The following ME3 variants were observed in gnomAD, a reference collection of about 807,000 sequenced individuals.
ME3 encodes the protein NADP-dependent malic enzyme, mitochondrial.
ME3 carries 48 observed loss-of-function variants against 68.9 expected under a neutral mutation model. That is an observed-to-expected ratio of 0.70 (90% CI 0.55 to 0.89). The LOEUF is 0.89. Ranked by LOEUF, ME3 falls within the 40% of genes least tolerant of loss-of-function variation. The pLI, the probability that ME3 is intolerant of heterozygous loss-of-function variation, is 0.00. For synonymous variants in ME3, 320 were observed against 318.8 expected (o/e 1.00, Z -0.04); for missense variants, 675 against 797.4 (o/e 0.85, Z 1.85).
chr11:86,493,070 G>A lies in ME3; in HGVS notation c.705+4893C>T, dbSNP rs569871416. The stretch of plus-strand genomic sequence containing the variant: ...GCAAGGGCATCCTCATGGGTTACAC[G>A]TGTGTAGAGAGTGAGCTCTATGATG... On this transcript the variant is annotated intron_variant, in intron 6 of 14. Coordinates refer to ENST00000543262, the Ensembl canonical transcript of ME3. 6.6e-5 allele frequency among the ~76,000 whole-genome samples: 10 copies of A among 152,292 alleles called. No homozygotes were observed. In the East Asian group the frequency reaches 1.2e-3, roughly 18 times the overall value.
intron 4 of ME3, among the ~76,000 whole-genome samples, chr11:86,526,268 T>C (rs1004704022): frequency 6.6e-6 from 1 of 152,184 alleles, no homozygotes; most frequent in Non-Finnish European, 1.5e-5. Context: ...GCCTTGCTCA[T>C]TGCTAGTACA....
At chr11:86,617,468 A>C (rs78177903) in intron 2 of ME3, among the ~76,000 whole-genome samples, 2 of 152,052 alleles carry the variant, frequency 1.3e-5, no homozygotes, top group Admixed American at 6.5e-5. Flanking sequence ...GGTCATTGCT[A>C]TTGTTTTCTA....
At chr11:86,520,990 A>G (rs768309864) in intron 4 of ME3, among the ~76,000 whole-genome samples, 6 of 152,168 alleles carry the variant, frequency 3.9e-5, no homozygotes, top group Admixed American at 1.3e-4. Context: ...GTTATCTGTG[A>G]CTCGGAGCTA....
At chr11:86,622,151 G>C (rs1943387065) in intron 2 of ME3, among the ~76,000 whole-genome samples, 1 of 152,024 alleles carries the variant, frequency 6.6e-6, no homozygotes, top group South Asian at 2.1e-4. Flanking sequence ...ATGCGTTCCA[G>C]ATACCTTTCA....
intron 4 of ME3, among the ~76,000 whole-genome samples, chr11:86,512,295 T>C (rs891653174): frequency 1.3e-5 from 2 of 152,374 alleles, no homozygotes; most frequent in East Asian, 1.9e-4. Context: ...TCCTGTATGC[T>C]CTCAAAGTAC....
intron 2 of ME3, among the ~76,000 whole-genome samples, chr11:86,614,826 G>C (rs553929770): frequency 2.0e-4 from 31 of 152,232 alleles, no homozygotes; most frequent in African/African-American, 6.7e-4. Context: ...CCACTTCTCT[G>C]ATACTGGTAT....
At chr11:86,527,065 C>T (rs1300714616) in intron 4 of ME3, among the ~76,000 whole-genome samples, 2 of 152,174 alleles carry the variant, frequency 1.3e-5, no homozygotes, top group Non-Finnish European at 2.9e-5. Context: ...TCAAACTACT[C>T]TGAGCTAAAG....
At chr11:86,447,367 C>A (rs561250915) in intron 11 of ME3, among the ~76,000 whole-genome samples, 160 bp from the exon 12 acceptor site, 1 of 152,312 alleles carries the variant, frequency 6.6e-6, no homozygotes, top group Non-Finnish European at 1.5e-5. Flanking sequence ...AAATGATCTT[C>A]CTGCTTGAGC....
At chr11:86,441,466 G>A in intron 14 of ME3, 26 bp from the exon 15 acceptor site, 1 of 1,562,360 alleles carries the variant, frequency 6.4e-7, no homozygotes, top group Non-Finnish European at 8.6e-7. Context: ...TTTGGCTAAG[G>A]AACCGGATCT....
intron 2 of ME3, among the ~76,000 whole-genome samples, chr11:86,581,961 C>T (rs1315466396): frequency 6.6e-6 from 1 of 152,248 alleles, no homozygotes; most frequent in Admixed American, 6.5e-5. Flanking sequence ...AATCCTGCAA[C>T]TCCTGAATTC....
chr11:86,583,184 C>A (rs1178361758), intron 2 of ME3, among the ~76,000 whole-genome samples: 1 of 152,160 alleles, frequency 6.6e-6, no homozygotes, highest in Non-Finnish European at 1.5e-5. Context: ...TTCATTCCCT[C>A]TTTCATTTAA....
At chr11:86,453,652 A>T (rs1949763267) in intron 8 of ME3, among the ~76,000 whole-genome samples, 1 of 152,246 alleles carries the variant, frequency 6.6e-6, no homozygotes, top group African/African-American at 2.4e-5. Context: ...CCTATGCAAT[A>T]TGAGCATAAA....
At chr11:86,499,219 T>C (rs1222177957) in intron 5 of ME3, among the ~76,000 whole-genome samples, 1 of 151,850 alleles carries the variant, frequency 6.6e-6, no homozygotes, top group African/African-American at 2.4e-5. Context: ...AGGATGTGTT[T>C]GGGGAGCGAG....
chr11:86,623,528 G>C (rs1221008738), intron 2 of ME3, among the ~76,000 whole-genome samples: 1 of 152,192 alleles, frequency 6.6e-6, no homozygotes, highest in Non-Finnish European at 1.5e-5. Flanking sequence ...TAACATGATT[G>C]TTATGAAGAT....
intron 2 of ME3, among the ~76,000 whole-genome samples, chr11:86,579,482 T>C (rs976777220): frequency 6.6e-6 from 1 of 152,172 alleles, no homozygotes; most frequent in African/African-American, 2.4e-5. Context: ...AAGATCATAA[T>C]AGCCAAGCTC....
chr11:86,621,003 G>C (rs1041276586), intron 2 of ME3, among the ~76,000 whole-genome samples: 5 of 152,090 alleles, frequency 3.3e-5, no homozygotes, highest in African/African-American at 1.2e-4. Context: ...TCCTGACCGG[G>C]CCTCCACCAA....
chr11:86,655,593 T>C (rs563579137), intron 2 of ME3, among the ~76,000 whole-genome samples: 7 of 151,908 alleles, frequency 4.6e-5, no homozygotes, highest in South Asian at 2.1e-4. Context: ...ATACAAAAAT[T>C]AATTCAAGAT....
At chr11:86,588,864 C>T (rs1361105346) in intron 2 of ME3, among the ~76,000 whole-genome samples, 1 of 152,144 alleles carries the variant, frequency 6.6e-6, no homozygotes, top group Non-Finnish European at 1.5e-5. Context: ...TCCCCAGAGC[C>T]TGAGACAAAA....
At chr11:86,556,619 G>A in exon 4 of ME3, 5 of 1,614,122 alleles carry the variant, frequency 3.1e-6, no homozygotes, top group Non-Finnish European at 3.4e-6. Context: ...GTACACGATT[G>A]GCATGAACTT....
Sources: gnomAD v4.1 joint callset for allele counts (sites outside exome capture counted in the v4.1 genomes callset) on GRCh38, gnomAD v4.1.1 for gene constraint, MANE v1.5 for transcripts, NCBI Gene and HGNC (gene_info 2026-07-23, HGNC 2026-07-21) for gene names.